Variants in GRM5 observed in about 807,000 individuals in gnomAD.
GRM5 encodes metabotropic glutamate receptor 5.
GRM5 carries 19 observed loss-of-function variants against 83.1 expected under a neutral mutation model. The ratio of observed to expected loss-of-function variants is 0.23; its 90% CI spans 0.16 to 0.34. The LOEUF (loss-of-function observed/expected upper bound fraction) is 0.34. Ranked by LOEUF, GRM5 falls within the 10% of genes least tolerant of loss-of-function variation. The pLI, the probability that GRM5 is intolerant of heterozygous loss-of-function variation, is 1.00. For synonymous variants in GRM5, 675 were observed against 633.6 expected (o/e 1.07, Z -0.98); for missense variants, 1,160 against 1,588.3 (o/e 0.73, Z 4.58).
intron 4 of GRM5, among the ~76,000 whole-genome samples, chr11:88,644,833 C>T (rs1292056068): frequency 6.6e-6 from 1 of 151,934 alleles, no homozygotes; most frequent in Non-Finnish European, 1.5e-5. Context: ...GAATTAAGCA[C>T]CACAGTGGCA....
chr11:88,885,091 T>C (rs1249028326), intron 2 of GRM5, among the ~76,000 whole-genome samples: 2 of 152,006 alleles, frequency 1.3e-5, no homozygotes, highest in African/African-American at 4.8e-5. Context: ...TTATATATGT[T>C]TATAAATGTT....
intron 2 of GRM5, among the ~76,000 whole-genome samples, chr11:88,932,241 T>C (rs1309370652): frequency 6.6e-6 from 1 of 152,144 alleles, no homozygotes; most frequent in Non-Finnish European, 1.5e-5. Flanking sequence ...GTTTGAGTAT[T>C]ATACTTCTGA....
intron 3 of GRM5, among the ~76,000 whole-genome samples, chr11:88,829,760 A>C (rs906383560): frequency 2.6e-5 from 4 of 152,184 alleles, no homozygotes; most frequent in Non-Finnish European, 5.9e-5. Context: ...CAAGAAAACA[A>C]AACTTTGCCA....
chr11:88,515,000 A>G (rs12282519), intron 9 of GRM5, among the ~76,000 whole-genome samples: 21,392 of 152,092 alleles, frequency 0.14, 1,638 homozygotes, highest in African/African-American at 0.16. Flanking sequence ...CAGGCATTTA[A>G]TCCCTAATAA....
chr11:89,064,854 T>TTCTCTCTCTCTCTCTCTCTCTC (rs144985912), intron 1 of GRM5, among the ~76,000 whole-genome samples: 2 of 46,074 alleles, frequency 4.3e-5, no homozygotes, highest in African/African-American at 1.7e-4. Context: ...ATTTTTCATA[T>TTCTCTCTCTCTCTCTCTCTCTC]TCTCTCTCTC....
chr11:88,821,524 C>G (rs906569139), intron 3 of GRM5, among the ~76,000 whole-genome samples: 1 of 152,094 alleles, frequency 6.6e-6, no homozygotes, highest in Admixed American at 6.6e-5. Flanking sequence ...TGTTCCTTCT[C>G]CAATACTACT....
At chr11:89,059,288 T>G (rs1290436228) in intron 1 of GRM5, among the ~76,000 whole-genome samples, 4 of 152,194 alleles carry the variant, frequency 2.6e-5, no homozygotes, top group African/African-American at 7.2e-5. Flanking sequence ...TCTTCTACAG[T>G]CTGACTAAAA....
intron 3 of GRM5, among the ~76,000 whole-genome samples, chr11:88,781,192 G>A (rs924109234): frequency 6.6e-6 from 1 of 150,962 alleles, no homozygotes; most frequent in Non-Finnish European, 1.5e-5. Context: ...TTATTTTGAA[G>A]AGCATGTGGG....
intron 8 of GRM5, among the ~76,000 whole-genome samples, chr11:88,557,133 G>A (rs372306020): frequency 6.6e-6 from 1 of 152,072 alleles, no homozygotes; most frequent in African/African-American, 2.4e-5. Flanking sequence ...CCACCTATTA[G>A]TTCACTAACT....
At chr11:88,656,354 T>C (rs1234019194) in intron 3 of GRM5, among the ~76,000 whole-genome samples, 1 of 152,142 alleles carries the variant, frequency 6.6e-6, no homozygotes, top group Non-Finnish European at 1.5e-5. Flanking sequence ...GATTTACAGT[T>C]GATCATCATT....
intron 3 of GRM5, among the ~76,000 whole-genome samples, chr11:88,673,910 A>T (rs970949226): frequency 7.3e-5 from 11 of 151,216 alleles, no homozygotes; most frequent in African/African-American, 2.7e-4. Context: ...AAAAACAAAC[A>T]TACTCTAGAG....
intron 3 of GRM5, among the ~76,000 whole-genome samples, chr11:88,710,395 G>A (rs1328958553): frequency 1.3e-5 from 2 of 152,104 alleles, no homozygotes; most frequent in Non-Finnish European, 2.9e-5. Flanking sequence ...AGTGTTGCCT[G>A]GGCCTGCCTC....
At chr11:88,699,769 C>G (rs775476314) in intron 3 of GRM5, among the ~76,000 whole-genome samples, 1 of 152,066 alleles carries the variant, frequency 6.6e-6, no homozygotes, top group Non-Finnish European at 1.5e-5. Flanking sequence ...AGGTCTAATG[C>G]CATTCACTTA....
intron 2 of GRM5, among the ~76,000 whole-genome samples, chr11:89,029,589 T>G (rs1941213778): frequency 1.3e-5 from 2 of 152,178 alleles, no homozygotes; most frequent in African/African-American, 4.8e-5. Flanking sequence ...ATGTTAAAAT[T>G]TAAGCGTTGA....
chr11:88,862,087 A>T (rs1351526226), intron 2 of GRM5, among the ~76,000 whole-genome samples: 2 of 152,182 alleles, frequency 1.3e-5, no homozygotes, highest in Admixed American at 1.3e-4. Context: ...ATTCATTGTG[A>T]TATAAAAGCA....
At chr11:88,656,635 C>A (rs1939773667) in intron 3 of GRM5, among the ~76,000 whole-genome samples, 1 of 151,964 alleles carries the variant, frequency 6.6e-6, no homozygotes, top group African/African-American at 2.4e-5. Context: ...TTTAACTTGG[C>A]CTCCAAGAAT....
chr11:88,657,626 T>C (rs1344457738), intron 3 of GRM5, among the ~76,000 whole-genome samples: 1 of 152,174 alleles, frequency 6.6e-6, no homozygotes, highest in Non-Finnish European at 1.5e-5. Flanking sequence ...CTTTCTCCTT[T>C]CAACTCTAAT....
intron 3 of GRM5, among the ~76,000 whole-genome samples, chr11:88,844,861 G>T (rs180894502): frequency 3.3e-5 from 5 of 152,328 alleles, no homozygotes; most frequent in Non-Finnish European, 7.3e-5. Context: ...GTTCAAAGAT[G>T]GGACTGAACT....
chr11:89,029,531 T>C (rs2135122555), intron 2 of GRM5, among the ~76,000 whole-genome samples: 1 of 152,332 alleles, frequency 6.6e-6, no homozygotes, highest in East Asian at 1.9e-4. Context: ...ATCTATAGAA[T>C]GCTTTTCTAG....
Sources: gnomAD v4.1 joint callset for allele counts (sites outside exome capture counted in the v4.1 genomes callset) on GRCh38, gnomAD v4.1.1 for gene constraint, MANE v1.5 for transcripts, NCBI Gene and HGNC (gene_info 2026-07-23, HGNC 2026-07-21) for gene names.